HECW2: variants seen among roughly 807,000 people sequenced by gnomAD.
The protein encoded by HECW2 is E3 ubiquitin-protein ligase HECW2.
A neutral mutation model predicts 175.2 loss-of-function variants in HECW2; 61 were observed. That is an observed-to-expected ratio of 0.35 (90% CI 0.28 to 0.43). The LOEUF is 0.43. Among genes scored for constraint, HECW2 ranks in the 20% least tolerant of loss-of-function variants. The pLI is 1.00. For synonymous variants in HECW2, 671 were observed against 731.0 expected, an observed-to-expected ratio of 0.92 and a Z score of 1.32; for missense variants, 1,524 against 2,000.5, an observed-to-expected ratio of 0.76 and a Z score of 4.54.
chr2:196,315,085 C>T (rs1242547037), intron 10 of HECW2, among the ~76,000 whole-genome samples: 1 of 151,622 alleles, frequency 6.6e-6, no homozygotes, highest in East Asian at 1.9e-4. Flanking sequence ...CAATCCAAAA[C>T]CTATCCATGA....
Position 196,324,980 on chromosome 2 carries a change from C to A in HECW2, c.741G>T (p.Glu247Asp). The A allele has an allele frequency of 6.4e-7, 1 of 1,566,524 alleles. No homozygotes were observed. Among genetic ancestry groups the A allele is most frequent in the Admixed American group, 2.0e-5 (1 of 50,472 alleles). ...SNTTNPIWHR[E>D]KYSFFALLTD... is the part of the protein sequence containing the mutation. Reference sequence around the variant, plus strand: ...AGGAGACCCCCGAGGATCATCTTACCTCTCGGTGCCAAATTGGATTGGTGG... The same window carrying A: ...AGGAGACCCCCGAGGATCATCTTACATCTCGGTGCCAAATTGGATTGGTGG... The change falls in exon 6 of 29, where the codon GAG becomes GAT. Residue 247 changes from glutamate (E) to aspartate (D), a missense_variant and splice_region_variant. Glu to Asp is a conservative substitution (Grantham distance 45). Around this residue, in one of 11 missense-constraint regions of HECW2, gnomAD observed 95 missense variants for 136.8 expected, o/e 0.69. Transcript: ENST00000644978.
intron 1 of HECW2, among the ~76,000 whole-genome samples, chr2:196,515,817 A>C (rs1003089023): frequency 6.6e-6 from 1 of 152,054 alleles, no homozygotes; most frequent in African/African-American, 2.4e-5. Context: ...TTTTGCTACT[A>C]TGAGTGTTAT....
intron 2 of HECW2, among the ~76,000 whole-genome samples, chr2:196,399,663 A>G (rs1448175292): frequency 1.3e-5 from 2 of 152,222 alleles, no homozygotes; most frequent in East Asian, 3.8e-4. Flanking sequence ...TAACAAAAAC[A>G]AAAGTGGGAT....
chr2:196,334,279 A>C, intron 4 of HECW2, 145 bp downstream of exon 4: 1 of 584,702 alleles, frequency 1.7e-6, no homozygotes, highest in Non-Finnish European at 3.1e-6. Context: ...CTTGTAAGCT[A>C]TTTCCTTTCC....
chr2:196,367,896 G>GTGTGTGTGTGTGTGTGT (rs1693791338), intron 2 of HECW2, among the ~76,000 whole-genome samples: 2 of 149,444 alleles, frequency 1.3e-5, no homozygotes, highest in African/African-American at 5.0e-5. Flanking sequence ...GTGTGTGTAT[G>GTGTGTGTGTGTGTGTGT]GTACATAGAT....
intron 2 of HECW2, among the ~76,000 whole-genome samples, chr2:196,347,110 T>G (rs1339789179): frequency 2.7e-5 from 4 of 150,374 alleles, no homozygotes; most frequent in Non-Finnish European, 3.0e-5. Flanking sequence ...TGGAGTACAG[T>G]GGTGTTATCT....
intron 17 of HECW2, among the ~76,000 whole-genome samples, chr2:196,262,157 G>C (rs1245741420): frequency 6.6e-6 from 1 of 151,948 alleles, no homozygotes; most frequent in Admixed American, 6.6e-5. Flanking sequence ...TCCTGAGTAG[G>C]TGGGACTACA....
intron 1 of HECW2, among the ~76,000 whole-genome samples, chr2:196,564,884 A>G (rs1690124679): frequency 6.6e-6 from 1 of 152,076 alleles, no homozygotes; most frequent in South Asian, 2.1e-4. Flanking sequence ...ATCAAATAAA[A>G]GCCTAATGAG....
At chr2:196,230,537 C>T (rs1575259204) in intron 21 of HECW2, among the ~76,000 whole-genome samples, 1 of 152,206 alleles carries the variant, frequency 6.6e-6, no homozygotes, top group Non-Finnish European at 1.5e-5. Flanking sequence ...CTTCAACCTT[C>T]TCTCAGGGCA....
At chr2:196,471,977 T>A (rs1265075812) in intron 1 of HECW2, among the ~76,000 whole-genome samples, 28 of 130,218 alleles carry the variant, frequency 2.2e-4, no homozygotes, top group South Asian at 2.1e-3. Context: ...AACAAAAGTT[T>A]AAAAAAAAAA....
chr2:196,417,174 C>T (rs917847766), intron 2 of HECW2, among the ~76,000 whole-genome samples: 4 of 152,124 alleles, frequency 2.6e-5, no homozygotes, highest in African/African-American at 4.8e-5. Context: ...CTTTATGGCT[C>T]TATATTTTAA....
At chr2:196,229,250 C>T (rs1687961231) in intron 21 of HECW2, among the ~76,000 whole-genome samples, 1 of 151,802 alleles carries the variant, frequency 6.6e-6, no homozygotes, top group Admixed American at 6.6e-5. Flanking sequence ...CCTCTTTTCT[C>T]CCTCTATCTT....
intron 1 of HECW2, among the ~76,000 whole-genome samples, chr2:196,582,353 A>C (rs1690818479): frequency 6.6e-6 from 1 of 152,188 alleles, no homozygotes; most frequent in Non-Finnish European, 1.5e-5. Context: ...GCTATGGTCC[A>C]GCATCCTTGC....
At chr2:196,355,844 G>A (rs1485508951) in intron 2 of HECW2, among the ~76,000 whole-genome samples, 1 of 152,166 alleles carries the variant, frequency 6.6e-6, no homozygotes, top group Admixed American at 6.5e-5. Context: ...CTGGCTTAAA[G>A]AAAGAAAGCT....
chr2:196,256,607 T>C (rs1172232176), intron 18 of HECW2, among the ~76,000 whole-genome samples: 1 of 152,222 alleles, frequency 6.6e-6, no homozygotes, highest in Non-Finnish European at 1.5e-5. Context: ...AAAAAAACCT[T>C]AGCTTTCTAT....
At chr2:196,216,751 G>C (rs1305207249) in intron 27 of HECW2, among the ~76,000 whole-genome samples, 1 of 152,184 alleles carries the variant, frequency 6.6e-6, no homozygotes, top group Admixed American at 6.5e-5. Flanking sequence ...CCTGAAGGCA[G>C]ATGTTGTTAC....
intron 21 of HECW2, among the ~76,000 whole-genome samples, chr2:196,237,885 T>A (rs557804990): frequency 2.0e-5 from 3 of 152,216 alleles, no homozygotes; most frequent in Non-Finnish European, 4.4e-5. Context: ...TCGGGCTGCA[T>A]CTTGTATATT....
chr2:196,325,210 G>A, intron 5 of HECW2, 61 bp from the exon 6 acceptor site: 2 of 1,280,676 alleles, frequency 1.6e-6, no homozygotes, highest in Non-Finnish European at 2.2e-6. Flanking sequence ...AGGGAGGAAA[G>A]AAAGGAGGAA....
intron 1 of HECW2, chr2:196,592,320 T>C (rs1273519592): frequency 6.6e-6 from 1 of 152,196 alleles, no homozygotes; most frequent in Admixed American, 6.5e-5. Context: ...GTAACTCTAA[T>C]TGTGAGCTCT....
Sources: allele counts gnomAD v4.1 joint callset (sites outside exome capture counted in the v4.1 genomes callset), GRCh38; gene constraint gnomAD v4.1.1; regional missense constraint gnomAD v4.1.1; transcripts MANE v1.5; gene names NCBI Gene and HGNC (gene_info 2026-07-23, HGNC 2026-07-21).